The following DENND2A variants were observed in gnomAD, a reference collection of about 807,000 sequenced individuals.
DENND2A encodes DENN domain-containing protein 2A.
In DENND2A, 53 loss-of-function variants were observed where a neutral mutation model predicts 105.3. The ratio of observed to expected loss-of-function variants is 0.50; its 90% CI spans 0.40 to 0.63. The LOEUF (loss-of-function observed/expected upper bound fraction) is 0.63, where lower values mean the gene tolerates loss of function less well. DENND2A is among the 30% of genes least tolerant of loss of function. DENND2A has a pLI of 0.00. For synonymous variants in DENND2A, 522 were observed against 508.4 expected (o/e 1.03, Z -0.36); for missense variants, 1,138 against 1,279.6 (o/e 0.89, Z 1.69).
At chr7:140,583,107 C>T (rs1460159613) in intron 5 of DENND2A, among the ~76,000 whole-genome samples, 3 of 150,976 alleles carry the variant, frequency 2.0e-5, no homozygotes, top group Non-Finnish European at 3.0e-5. Flanking sequence ...CTGGCTAACA[C>T]GGTGAAACCC....
intron 14 of DENND2A, among the ~76,000 whole-genome samples, chr7:140,532,279 A>C (rs1184586938): frequency 6.6e-6 from 1 of 152,174 alleles, no homozygotes; most frequent in East Asian, 1.9e-4. Flanking sequence ...AAAAAAATAA[A>C]AGAGACCTTA....
At chr7:140,564,244 C>T (rs1481375195) in intron 9 of DENND2A, among the ~76,000 whole-genome samples, 1 of 150,408 alleles carries the variant, frequency 6.6e-6, no homozygotes, top group Non-Finnish European at 1.5e-5. Flanking sequence ...GATTGCACCA[C>T]TGCACTCTAG....
At chr7:140,591,673 C>T (rs1370701414) in intron 3 of DENND2A, among the ~76,000 whole-genome samples, 5 of 135,962 alleles carry the variant, frequency 3.7e-5, no homozygotes, top group African/African-American at 1.5e-4. Context: ...CTTTCTTTCT[C>T]TTTCTTTCTT....
At chr7:140,578,644 G>A (rs1798406669) in intron 5 of DENND2A, among the ~76,000 whole-genome samples, 1 of 152,234 alleles carries the variant, frequency 6.6e-6, no homozygotes, top group Admixed American at 6.5e-5. Flanking sequence ...ACTTTGGGAG[G>A]CTGAGGCGGG....
intron 9 of DENND2A, among the ~76,000 whole-genome samples, chr7:140,566,636 G>A (rs924990829): frequency 1.3e-5 from 2 of 151,666 alleles, no homozygotes; most frequent in Non-Finnish European, 2.9e-5. Flanking sequence ...AGGATGGCAC[G>A]GTCAGCACAG....
At chr7:140,621,381 A>C (rs1800286645) in intron 1 of DENND2A, among the ~76,000 whole-genome samples, 1 of 152,082 alleles carries the variant, frequency 6.6e-6, no homozygotes, top group Non-Finnish European at 1.5e-5. Flanking sequence ...TATAATACCC[A>C]ATACAACCTA....
At chr7:140,592,083 G>C (rs1799077270) in intron 3 of DENND2A, among the ~76,000 whole-genome samples, 1 of 142,166 alleles carries the variant, frequency 7.0e-6, no homozygotes, top group Non-Finnish European at 1.5e-5. Context: ...TTGACGCCCA[G>C]GCTCTTGTCA....
rs1796108738 is a variant in DENND2A at position 140,527,566 on chromosome 7, G to C, written c.2328-71C>G. 6.9e-7 allele frequency: 1 copy of C among 1,445,922 alleles called. No homozygotes were observed. Among genetic ancestry groups the C allele is most frequent in the Admixed American group, 2.3e-5 (1 of 43,294 alleles). 89.6% of individuals were successfully genotyped at this position (1,445,922 alleles called of 1,614,324 possible). On this transcript the variant is annotated intron_variant, in intron 14 of 19. Coordinates refer to ENST00000496613, the MANE Select transcript of DENND2A (RefSeq NM_015689.5). The surrounding 1 kb of genome is among the most constrained non-coding windows in gnomAD (Gnocchi z 4.9). ...CCCGAGGAAGCCTCCAGGGGAGAAG[G>C]CTCCTCCCAGAGACAGGATGACTAG... is the stretch of plus-strand genomic sequence containing the variant.
chr7:140,636,120 G>A (rs1800922193), intron 1 of DENND2A, among the ~76,000 whole-genome samples: 1 of 152,146 alleles, frequency 6.6e-6, no homozygotes, highest in Non-Finnish European at 1.5e-5. Flanking sequence ...GGCAGAAGAA[G>A]GGTCTATGCT....
At position 140,568,902 on chromosome 7, in the gene DENND2A, T is replaced by C. The variant is rs1585654504; in HGVS notation, c.1541-89A>G. On this transcript the variant is annotated intron_variant, in intron 7 of 19. Transcript: ENST00000496613. Reference sequence around the variant, plus strand: ...CTATGTGGTAGCACAGATCAAATGTTCTAATTCAGAGGGGATGTTGAGTTG... The same window carrying C: ...CTATGTGGTAGCACAGATCAAATGTCCTAATTCAGAGGGGATGTTGAGTTG... 1.9e-5 allele frequency: 26 copies of C among 1,356,276 alleles called. No homozygotes were observed. The East Asian group carries it at 6.0e-4, about 31-fold the overall frequency. 84.0% of individuals were successfully genotyped at this position (1,356,276 alleles called of 1,614,324 possible). A position where few individuals can be genotyped will look rare whatever the true frequency, so the allele number is the denominator to read the frequency against.
At chr7:140,638,947 C>T (rs1444055002) in intron 1 of DENND2A, among the ~76,000 whole-genome samples, 1 of 152,190 alleles carries the variant, frequency 6.6e-6, no homozygotes, top group African/African-American at 2.4e-5. Context: ...GGAAGGGGGA[C>T]GTCTCATTCC....
intron 14 of DENND2A, among the ~76,000 whole-genome samples, chr7:140,535,680 CA>C (rs1796430925): frequency 6.6e-6 from 1 of 151,906 alleles, no homozygotes; most frequent in Non-Finnish European, 1.5e-5. Flanking sequence ...CTCACAGGTT[CA>C]AGCGATTCTC....
intron 1 of DENND2A, among the ~76,000 whole-genome samples, chr7:140,606,200 C>CT (rs113686349): frequency 0.077 from 11,693 of 152,020 alleles, 1,120 homozygotes; most frequent in African/African-American, 0.23. Context: ...ACCACCACCC[C>CT]GGCTAATGTT....
chr7:140,553,735 A>G (rs1324703192), intron 12 of DENND2A, among the ~76,000 whole-genome samples: 1 of 152,240 alleles, frequency 6.6e-6, no homozygotes, highest in African/African-American at 2.4e-5. Context: ...TCTGTTTAAC[A>G]AAGCACATCT....
In DENND2A at chr7:140,616,899, C is replaced by A. The variant is rs146863682; in HGVS notation, c.-247-11093G>T. 4.6e-5 allele frequency among the ~76,000 whole-genome samples: 7 copies of A among 152,264 alleles called. No homozygotes were observed. The East Asian group carries it at 1.3e-3, about 29-fold the overall frequency. On this transcript the variant is annotated intron_variant, in intron 1 of 19. Transcript: ENST00000496613. ...TTGAGACAAAGTCTTGCTCTGTCAC[C>A]CAGGCTGGAGTGCAGTGGTACCATC...
chr7:140,602,715 G>A (rs1350111373), intron 2 of DENND2A, among the ~76,000 whole-genome samples, 173 bp from the exon 3 acceptor site: 1 of 152,126 alleles, frequency 6.6e-6, no homozygotes, highest in Non-Finnish European at 1.5e-5. Context: ...GCTCATGCCT[G>A]TAATCCCAGC....
chr7:140,624,868 G>GTTTTTTTTTTTTTTTTTTTTTTT (rs1367069950), intron 1 of DENND2A, among the ~76,000 whole-genome samples: 2 of 109,206 alleles, frequency 1.8e-5, no homozygotes, highest in African/African-American at 7.6e-5. Context: ...GTTTTTTTTT[G>GTTTTTTTTTTTTTTTTTTTTTTT]TTTTTTTTTT....
intron 14 of DENND2A, among the ~76,000 whole-genome samples, chr7:140,540,010 G>A (rs967462822): frequency 6.6e-6 from 1 of 152,214 alleles, no homozygotes; most frequent in Non-Finnish European, 1.5e-5. Flanking sequence ...TCTTATGAAC[G>A]AGGAGACCCA....
At chr7:140,525,222 T>A (rs1019895034) in intron 16 of DENND2A, among the ~76,000 whole-genome samples, 4 of 147,650 alleles carry the variant, frequency 2.7e-5, no homozygotes, top group African/African-American at 5.0e-5. Flanking sequence ...TGGCGCAATC[T>A]CCACTCACTG....
Sources: allele counts gnomAD v4.1 joint callset (sites outside exome capture counted in the v4.1 genomes callset), GRCh38; gene constraint gnomAD v4.1.1; non-coding constraint Gnocchi (gnomAD v3.1); transcripts MANE v1.5; gene names NCBI Gene and HGNC (gene_info 2026-07-23, HGNC 2026-07-21).